Variants in CLIC5 observed in about 807,000 individuals in gnomAD.
CLIC5 encodes the protein chloride intracellular channel protein 5.
Under a neutral mutation model 24.7 loss-of-function variants are expected in CLIC5, and 20 were observed. The ratio of observed to expected loss-of-function variants is 0.81; its 90% confidence interval spans 0.57 to 1.18. The LOEUF is 1.18. Ranked by LOEUF, CLIC5 falls within the 50% of genes most tolerant of loss-of-function variation. The pLI, the probability that CLIC5 is intolerant of heterozygous loss-of-function variation, is 0.00. For synonymous variants in CLIC5, 159 were observed against 135.6 expected (o/e 1.17, Z -1.20); for missense variants, 341 against 326.1 (o/e 1.05, Z -0.35).
In CLIC5 at chr6:45,903,245, T is replaced by A; in HGVS notation, c.599A>T (p.Lys200Met). 1.3e-6 allele frequency: 2 copies of A among 1,584,120 alleles called. No individual in the cohort carries two copies. The highest frequency in any genetic ancestry group is 1.7e-6 in the Non-Finnish European group (2 of 1,165,950). The change falls in exon 6 of 6, where the codon AAG (lysine) becomes ATG (methionine). Residue 200 changes from lysine to methionine, a missense_variant. Coordinates refer to ENST00000339561, the MANE Select transcript of CLIC5 (RefSeq NM_016929.5). ...CGGGATATCATAGTTGCGGTATTTC[T>A]TGGCCACAATCTAAAACAGAGATGG... ...PKLHVVKIVA[K>M]KYRNYDIPAE... is the part of the protein sequence containing the mutation.
At chr6:45,935,429 C>G (rs183071395) in intron 4 of CLIC5, among the ~76,000 whole-genome samples, 2 of 152,194 alleles carry the variant, frequency 1.3e-5, no homozygotes, top group Non-Finnish European at 2.9e-5. Flanking sequence ...GGAGGACAGA[C>G]CTAACTGCTT....
At chr6:45,914,147 G>C in intron 5 of CLIC5, 81 bp downstream of exon 5, 1 of 1,230,120 alleles carries the variant, frequency 8.1e-7, no homozygotes, top group East Asian at 2.6e-5. Flanking sequence ...AGGTGGTACT[G>C]TCCTTGACTC....
chr6:46,003,959 G>A (rs1432933913), intron 1 of CLIC5, among the ~76,000 whole-genome samples: 1 of 152,068 alleles, frequency 6.6e-6, no homozygotes, highest in East Asian at 1.9e-4. Flanking sequence ...TATATGAGAG[G>A]ATTAACTATC....
upstream of CLIC5, among the ~76,000 whole-genome samples, chr6:46,017,236 A>T (rs1467910651): frequency 2.0e-5 from 3 of 152,164 alleles, no homozygotes; most frequent in African/African-American, 7.2e-5. Flanking sequence ...CCTTCTCTTT[A>T]ATTAATCCTG....
exon 1 of CLIC5, chr6:46,080,315 C>G (rs1471516950): frequency 8.5e-6 from 11 of 1,292,972 alleles, no homozygotes; most frequent in Non-Finnish European, 1.1e-5. Flanking sequence ...ACAGAGGATG[C>G]TGCACCACCT....
At chr6:46,121,750 T>TA in the CLIC5 span, among the ~76,000 whole-genome samples, 2 of 151,190 alleles carry the variant, frequency 1.3e-5, no homozygotes, top group East Asian at 3.9e-4. Flanking sequence ...ACCAAGCAAA[T>TA]GAAAAACAAA....
At chr6:46,083,181 G>A (rs1762960629), upstream of CLIC5, among the ~76,000 whole-genome samples, 1 of 152,184 alleles carries the variant, frequency 6.6e-6, no homozygotes. Flanking sequence ...TAAATTAAAG[G>A]AAGAAGATGT....
intron 1 of CLIC5, among the ~76,000 whole-genome samples, chr6:45,983,686 C>T (rs927362281): frequency 6.6e-6 from 1 of 152,160 alleles, no homozygotes; most frequent in Non-Finnish European, 1.5e-5. Context: ...ACCCTTCATT[C>T]ATTCATTCAT....
At chr6:46,087,797 T>A in the CLIC5 span, among the ~76,000 whole-genome samples, 1 of 152,120 alleles carries the variant, frequency 6.6e-6, no homozygotes, top group Non-Finnish European at 1.5e-5. Context: ...AGAGTGGGCA[T>A]CCTCTGAGTC....
chr6:46,055,810 G>A lies in CLIC5; in HGVS notation c.540+23893C>T, dbSNP rs570296768. Among the ~76,000 whole-genome samples the A allele has an allele frequency of 3.3e-5, 5 of 152,316 alleles. No individual in the cohort carries two copies. The South Asian group carries it at 6.2e-4, about 19-fold the overall frequency. On this transcript the variant is annotated intron_variant, in intron 1 of 5. Coordinates refer to the CLIC5 transcript ENST00000185206. ...TGAGGATTACAACTCTTACAAGGAA[G>A]GTGTTGTCTTCTCATTTAAAACATG...
At chr6:45,999,729 G>T (rs1581844458) in intron 1 of CLIC5, among the ~76,000 whole-genome samples, 1 of 86,370 alleles carries the variant, frequency 1.2e-5, no homozygotes, top group African/African-American at 5.2e-5. Flanking sequence ...TCTCTTCCTT[G>T]TGGTTTTTTT....
upstream of CLIC5, among the ~76,000 whole-genome samples, chr6:46,020,014 G>A (rs183691543): frequency 4.6e-5 from 7 of 152,108 alleles, no homozygotes; most frequent in South Asian, 1.5e-3. Context: ...TATAGCACAA[G>A]TAGACAAAAA....
intron 1 of CLIC5, among the ~76,000 whole-genome samples, chr6:45,963,882 C>G (rs1159950984): frequency 6.6e-6 from 1 of 151,896 alleles, no homozygotes; most frequent in African/African-American, 2.4e-5. Context: ...TACTATTTTT[C>G]AAAACTAAAT....
chr6:46,059,023 T>G (rs1400643258), intron 1 of CLIC5, among the ~76,000 whole-genome samples: 4 of 152,192 alleles, frequency 2.6e-5, no homozygotes, highest in Admixed American at 2.0e-4. Flanking sequence ...TCTCAGAGTG[T>G]GGTTGAGTGT....
exon 1 of CLIC5, chr6:46,079,975 C>T: frequency 1.9e-6 from 3 of 1,551,694 alleles, no homozygotes; most frequent in Non-Finnish European, 2.6e-6. Context: ...TCCTGGAGTT[C>T]AGAGTATATC....
At chr6:45,932,324 G>T (rs1763769230) in intron 4 of CLIC5, among the ~76,000 whole-genome samples, 1 of 151,700 alleles carries the variant, frequency 6.6e-6, no homozygotes, top group African/African-American at 2.4e-5. Flanking sequence ...GGCCAGGACG[G>T]TCTCAAACTC....
chr6:46,126,902 G>C, the CLIC5 span, among the ~76,000 whole-genome samples: 1 of 152,124 alleles, frequency 6.6e-6, no homozygotes, highest in Non-Finnish European at 1.5e-5. Flanking sequence ...GAGTATAAAA[G>C]AGAAATAATT....
At chr6:46,085,686 TG>T in the CLIC5 span, among the ~76,000 whole-genome samples, 1 of 152,186 alleles carries the variant, frequency 6.6e-6, no homozygotes, top group African/African-American at 2.4e-5. Context: ...CTGCCCCTAC[TG>T]GGGGGTGCCT....
At chr6:46,001,412 G>A (rs1009830887) in intron 1 of CLIC5, among the ~76,000 whole-genome samples, 1 of 152,172 alleles carries the variant, frequency 6.6e-6, no homozygotes, top group East Asian at 1.9e-4. Context: ...CACTTGAACT[G>A]AACCCCAACT....
Sources: allele counts gnomAD v4.1 joint callset (sites outside exome capture counted in the v4.1 genomes callset), GRCh38; gene constraint gnomAD v4.1.1; transcripts MANE v1.5; gene names NCBI Gene and HGNC (gene_info 2026-07-23, HGNC 2026-07-21).